The following DDX55 variants were observed in gnomAD, a reference collection of about 807,000 sequenced individuals.
The protein encoded by DDX55 is ATP-dependent RNA helicase DDX55.
In DDX55, 56 loss-of-function variants were observed where a neutral mutation model predicts 69.2. That is an observed-to-expected ratio of 0.81 (90% CI 0.65 to 1.01). The LOEUF is 1.01. DDX55 is among the 50% of genes least tolerant of loss of function. The pLI is 0.00. For synonymous variants in DDX55, 268 were observed against 273.1 expected (o/e 0.98, Z 0.18); for missense variants, 720 against 745.1 (o/e 0.97, Z 0.39).
intron 8 of DDX55, among the ~76,000 whole-genome samples, chr12:123,613,666 T>C (rs11057307): frequency 0.48 from 73,518 of 152,144 alleles, 19,626 homozygotes; most frequent in African/African-American, 0.71. Flanking sequence ...AAAGAGCTTC[T>C]TCAGAAACCC....
chr12:123,619,723 A>G lies in DDX55; in HGVS notation c.1625A>G (p.Glu542Gly), dbSNP rs753572498. ...KKMNEKRKRE[E>G]GSDIEDEDME... ...ATGAATGAGAAAAGGAAAAGGGAAG[A>G]GGTAAAGTTTACTTTTACTTACATT... The change falls in exon 13 of 14, where the codon GAG becomes GGG. Residue 542 changes from glutamate to glycine, a missense_variant and splice_region_variant. Physicochemically the swap from Glu to Gly is moderately conservative, Grantham distance 98. Transcript: ENST00000238146. 2 of 1,566,344 alleles carry G rather than the reference A, an allele frequency of 1.3e-6. No individual in the cohort carries two copies. Among genetic ancestry groups the G allele is most frequent in the Admixed American group, 2.1e-5 (1 of 47,408 alleles).
intron 1 of DDX55, among the ~76,000 whole-genome samples, chr12:123,602,640 A>G (rs960128519): frequency 6.6e-6 from 1 of 152,236 alleles, no homozygotes. Flanking sequence ...CAGTCGGCAC[A>G]CTATGGGAGC....
chr12:123,609,748 G>A (rs1167694624), intron 6 of DDX55, among the ~76,000 whole-genome samples, 191 bp from the exon 7 acceptor site: 2 of 152,040 alleles, frequency 1.3e-5, no homozygotes, highest in African/African-American at 4.8e-5. Flanking sequence ...AAAATTTGAG[G>A]AACCTTGGAA....
intron 10 of DDX55, chr12:123,616,927 G>A: frequency 3.5e-6 from 1 of 288,144 alleles, no homozygotes; most frequent in Non-Finnish European, 6.7e-6. Context: ...GGCCGAGGCA[G>A]GTGAATCGTT....
chr12:123,619,323 T>C (rs1954969862), intron 12 of DDX55, 109 bp from the exon 13 acceptor site: 10 of 1,470,406 alleles, frequency 6.8e-6, no homozygotes, highest in East Asian at 4.7e-5. Context: ...TCATTCTAAC[T>C]AAAATGAATG....
intron 11 of DDX55, 105 bp from the exon 12 acceptor site, chr12:123,618,564 T>C (rs181034824): frequency 1.3e-6 from 2 of 1,547,706 alleles, no homozygotes; most frequent in Admixed American, 4.0e-5. Flanking sequence ...CCTCAACAGT[T>C]GAAAAGGAAT....
At chr12:123,605,770 C>T (rs1252776839) in intron 1 of DDX55, 161 bp from the exon 2 acceptor site, 4 of 933,974 alleles carry the variant, frequency 4.3e-6, no homozygotes, top group Admixed American at 1.9e-5. Context: ...ACACAGTTGC[C>T]ACGTTTGATT....
rs766642989 is a variant in DDX55, at chr12:123,619,511, T to G, written c.1413T>G (p.Phe471Leu). Reference protein sequence around the residue: ...PKMPELRGKQFPDFVPVDVNT... With the variant: ...PKMPELRGKQLPDFVPVDVNT... ...TGCCAGAATTGAGAGGAAAGCAGTT[T>G]CCAGATTTTGTGCCCGTGGACGTTA... The change falls in exon 13 of 14, where the codon TTT (phenylalanine) becomes TTG (leucine). Residue 471 changes from phenylalanine (F) to leucine (L), a missense_variant. Physicochemically the swap from Phe to Leu is conservative, Grantham distance 22 (BLOSUM62 0). Coordinates refer to ENST00000238146, the MANE Select transcript of DDX55 (RefSeq NM_020936.3). The G allele has an allele frequency of 6.2e-7, 1 of 1,613,896 alleles. No homozygotes were observed.
Position 123,610,839 on chromosome 12 carries a change from C to T in DDX55, c.741+711C>T, listed in dbSNP as rs543634344. Among the ~76,000 whole-genome samples, 8 of 151,666 alleles carry T rather than the reference C, an allele frequency of 5.3e-5. No homozygotes were observed. The East Asian group carries it at 1.4e-3, about 26-fold the overall frequency. On this transcript the variant is annotated intron_variant, in intron 7 of 13. Transcript: ENST00000238146. ...TCTCCTGACCTGGTGATCCACCTGC[C>T]TCGGCCTCCCAAAGTGCTGGGATTA...
At chr12:123,602,629 C>G (rs1242452389) in intron 1 of DDX55, among the ~76,000 whole-genome samples, 1 of 152,302 alleles carries the variant, frequency 6.6e-6, no homozygotes, top group South Asian at 2.1e-4. Context: ...ACTAAATAAA[C>G]CAGTCGGCAC....
At chr12:123,609,873 C>G in intron 6 of DDX55, 66 bp from the exon 7 acceptor site, 1 of 1,535,202 alleles carries the variant, frequency 6.5e-7, no homozygotes, top group African/African-American at 1.4e-5. Flanking sequence ...TGTTTAGTAT[C>G]GTGAAGCACT....
intron 8 of DDX55, 28 bp from the exon 9 acceptor site, chr12:123,615,157 G>A (rs35708602): frequency 6.2e-7 from 1 of 1,612,568 alleles, no homozygotes; most frequent in South Asian, 1.1e-5. Flanking sequence ...AGTGGCCAAT[G>A]ACTCTAAGCC....
chr12:123,619,496 G>C lies in DDX55; in HGVS notation c.1398G>C (p.Leu466Phe), dbSNP rs1184488756. 1.2e-6 allele frequency: 2 copies of C among 1,613,950 alleles called. No individual in the cohort carries two copies. Among genetic ancestry groups the C allele is most frequent in the Admixed American group, 3.3e-5 (2 of 59,988 alleles). The change falls in exon 13 of 14, where the codon TTG becomes TTC. Residue 466 changes from leucine to phenylalanine, a missense_variant. Transcript: ENST00000238146. Reference protein sequence around the residue: ...ALLRMPKMPELRGKQFPDFVP... With the variant: ...ALLRMPKMPEFRGKQFPDFVP... Reference sequence around the variant, plus strand: ...TGAGGATGCCCAAGATGCCAGAATTGAGAGGAAAGCAGTTTCCAGATTTTG... The same window carrying C: ...TGAGGATGCCCAAGATGCCAGAATTCAGAGGAAAGCAGTTTCCAGATTTTG...
At chr12:123,604,234 C>T (rs1437406595) in intron 1 of DDX55, among the ~76,000 whole-genome samples, 3 of 152,084 alleles carry the variant, frequency 2.0e-5, no homozygotes, top group East Asian at 1.9e-4. Flanking sequence ...TAGTGAGACC[C>T]GCATCTTCGA....
At chr12:123,610,605 C>CTTTTTTTTTT (rs35576014) in intron 7 of DDX55, among the ~76,000 whole-genome samples, 1 of 90,042 alleles carries the variant, frequency 1.1e-5, no homozygotes, top group African/African-American at 4.3e-5. Context: ...TGCTGAGTTT[C>CTTTTTTTTTT]TTTTTTTTTT....
intron 7 of DDX55, among the ~76,000 whole-genome samples, chr12:123,611,513 G>A (rs970446417): frequency 1.6e-4 from 24 of 152,312 alleles, no homozygotes; most frequent in Middle Eastern, 3.4e-3. Context: ...TAAATTTTTC[G>A]TTAGGCCTGG....
chr12:123,618,015 G>GTTTT, intron 11 of DDX55, 143 bp downstream of exon 11: 134 of 456,842 alleles, frequency 2.9e-4, no homozygotes, highest in South Asian at 5.5e-4. Flanking sequence ...CCCTGGTGGG[G>GTTTT]TTTTTTTTTT....
chr12:123,603,814 CT>C (rs1247501418), intron 1 of DDX55, among the ~76,000 whole-genome samples: 2 of 150,512 alleles, frequency 1.3e-5, no homozygotes, highest in Non-Finnish European at 2.9e-5. Flanking sequence ...TTGTTTTTAA[CT>C]TTTTTGAGAC....
In DDX55 at chr12:123,608,789, G is replaced by C. The variant is rs145062412; in HGVS notation, c.511G>C (p.Asp171His). 232 of 1,614,054 alleles carry C rather than the reference G, an allele frequency of 1.4e-4. No homozygotes were observed. Among genetic ancestry groups the C allele is most frequent in the Non-Finnish European group, 1.9e-4 (224 of 1,180,032 alleles). ...GCGATCCCTGGATGTCCTGGTGTTG[G>C]ATGAGGCAGACAGACTTCTGGACAT... ...CVRSLDVLVL[D>H]EADRLLDMGF... The change falls in exon 6 of 14, where the codon GAT becomes CAT. Residue 171 changes from aspartate (D) to histidine (H), a missense_variant. Transcript: ENST00000238146.
Sources: allele counts gnomAD v4.1 joint callset (sites outside exome capture counted in the v4.1 genomes callset), GRCh38; gene constraint gnomAD v4.1.1; transcripts MANE v1.5; gene names NCBI Gene and HGNC (gene_info 2026-07-23, HGNC 2026-07-21).